EEF2: variants seen among roughly 807,000 people sequenced by gnomAD.
The protein encoded by EEF2 is elongation factor 2.
EEF2 carries 21 observed loss-of-function variants against 85.3 expected under a neutral mutation model. The ratio of observed to expected loss-of-function variants is 0.25; its 90% confidence interval spans 0.17 to 0.35. The LOEUF (loss-of-function observed/expected upper bound fraction) is 0.35, where lower values mean the gene tolerates loss of function less well. Ranked by LOEUF, EEF2 falls within the 10% of genes least tolerant of loss-of-function variation. The pLI is 1.00. For synonymous variants in EEF2, 723 were observed against 508.8 expected, an observed-to-expected ratio of 1.42 and a Z score of -5.67; for missense variants, 825 against 1,225.3, an observed-to-expected ratio of 0.67 and a Z score of 4.88.
At chr19:3,981,024 G>T in intron 7 of EEF2, 45 bp from the exon 8 acceptor site, 1 of 1,545,094 alleles carries the variant, frequency 6.5e-7, no homozygotes. Flanking sequence ...GGGAGCCCAG[G>T]ATGGCCCCAC....
In EEF2 at chr19:3,980,606, C is replaced by A. The variant is rs761179762; in HGVS notation, c.1254G>T (p.Ser418=). 1.2e-6 allele frequency: 2 copies of A among 1,614,192 alleles called. No individual in the cohort carries two copies. The change falls in exon 9 of 15, where the codon TCG becomes TCT. Residue 418 remains serine, a synonymous_variant. Coordinates refer to ENST00000309311, the MANE Select transcript of EEF2 (RefSeq NM_001961.4). ...CCTTCAGGCCAGTGGAGACCAGCCC[C>A]GAGAAGACTCGTCCAAAGGCGTAGA... ...GRFYAFGRVF[S]GLVSTGLKVR... is the part of the protein sequence containing the mutation.
At position 3,984,189 on chromosome 19, in the gene EEF2, G is replaced by A. The variant is rs1448751502; in HGVS notation, c.165C>T (p.Arg55=). The change falls in exon 2 of 15, where the codon CGC becomes CGT. Residue 55 remains arginine, a synonymous_variant. Transcript: ENST00000309311. The stretch of plus-strand genomic sequence containing the variant: ...GCTCGTCCTTCCGGGTATCAGTGAA[G>A]CGTGTCTCCCCGGCCCGGGCCGAGG... ...IIASARAGET[R]FTDTRKDEQE... 6.2e-7 allele frequency: 1 copy of A among 1,613,980 alleles called. No homozygotes were observed. The highest frequency in any genetic ancestry group is 8.5e-7 in the Non-Finnish European group (1 of 1,180,038).
chr19:3,985,432 CGCCGAGGATGGCGGCGA>C lies in EEF2; in HGVS notation c.-69_-53del, dbSNP rs1568203975. On this transcript the variant is annotated 5_prime_UTR_variant, in exon 1 of 15. Transcript: ENST00000309311. The stretch of plus-strand genomic sequence containing the variant: ...AGGTAGAACCGAAAGAAGCGAGTCG[CGCCGAGGATGGCGGCGA>C]CGACGGCGGAAGAGAACGCTGACGT... The C allele has an allele frequency of 6.8e-7, 1 of 1,462,174 alleles. No individual in the cohort carries two copies. The allele number at this position is 1,462,174 out of a possible 1,614,324, so 90.6% of individuals were successfully genotyped here.
intron 9 of EEF2, 69 bp downstream of exon 9, chr19:3,980,445 G>A (rs1190084340): frequency 3.9e-6 from 6 of 1,526,974 alleles, no homozygotes; most frequent in East Asian, 2.3e-5. Context: ...CGACTGAGGA[G>A]CCCAAGACTT....
rs201398591 is a variant in EEF2 at position 3,982,066 on chromosome 19, G to T, written c.792-14C>A. 1.2e-6 allele frequency: 2 copies of T among 1,613,606 alleles called. No individual in the cohort carries two copies. The highest frequency in any genetic ancestry group is 1.1e-5 in the South Asian group (1 of 91,050). Reference sequence around the variant, plus strand: ...GGGTCAAAGTACCTGGCAAGGAGAGGCCAAGCCAAATCAAGTTAGGGTCTC... The same window carrying T: ...GGGTCAAAGTACCTGGCAAGGAGAGTCCAAGCCAAATCAAGTTAGGGTCTC... On this transcript the variant is annotated splice_polypyrimidine_tract_variant and intron_variant, in intron 5 of 14. Coordinates refer to ENST00000309311, the MANE Select transcript of EEF2 (RefSeq NM_001961.4).
At chr19:3,981,274 T>C (rs577693579) in intron 7 of EEF2, 65 bp downstream of exon 7, 95 of 1,500,674 alleles carry the variant, frequency 6.3e-5, no homozygotes, top group South Asian at 1.5e-4. Context: ...AGGCCTGGGC[T>C]GTCAGAGCAT....
chr19:3,976,948 C>T (rs888365956), intron 14 of EEF2, among the ~76,000 whole-genome samples: 1 of 152,232 alleles, frequency 6.6e-6, no homozygotes, highest in Non-Finnish European at 1.5e-5. Context: ...CAACCCTGTG[C>T]TACAGCTCGG....
At chr19:3,983,072 C>T (rs772417054) in intron 3 of EEF2, 38 bp downstream of exon 3, 32 of 1,611,334 alleles carry the variant, frequency 2.0e-5, no homozygotes, top group Admixed American at 5.0e-5. Context: ...GGATGGCCCC[C>T]GGTTCCAGGC....
Position 3,983,232 on chromosome 19 carries a change from T to C in EEF2, c.278A>G (p.Lys93Arg), listed in dbSNP as rs922729998. 15 of 1,613,814 alleles carry C rather than the reference T, an allele frequency of 9.3e-6. No homozygotes were observed. Among genetic ancestry groups the C allele is most frequent in the Admixed American group, 3.3e-5 (2 of 59,960 alleles). The change falls in exon 3 of 15, where the codon AAG becomes AGG. Residue 93 changes from lysine to arginine, a missense_variant. Coordinates refer to ENST00000309311, the MANE Select transcript of EEF2 (RefSeq NM_001961.4). Reference sequence around the variant, plus strand: ...GTTGATGAGGAAGCCGGCACCGTCCTTGCTCTGCTTGATGAAGTTCAAGTC... The same window carrying C: ...GTTGATGAGGAAGCCGGCACCGTCCCTGCTCTGCTTGATGAAGTTCAAGTC... ...ENDLNFIKQS[K>R]DGAGFLINLI...
chr19:3,978,182 G>A lies in EEF2; in HGVS notation c.1714-10C>T. 2 of 1,442,984 alleles carry A rather than the reference G, an allele frequency of 1.4e-6. No homozygotes were observed. The highest frequency in any genetic ancestry group is 1.8e-6 in the Non-Finnish European group (2 of 1,092,618). The allele number at this position is 1,442,984 out of a possible 1,614,324, so 89.4% of individuals were successfully genotyped here. On this transcript the variant is annotated splice_polypyrimidine_tract_variant and intron_variant, in intron 11 of 14. Coordinates refer to ENST00000309311, the MANE Select transcript of EEF2 (RefSeq NM_001961.4). The stretch of plus-strand genomic sequence containing the variant: ...CGACCGGGTCAGATTTCTGCAAAAA[G>A]AGGTTAAGTCCCACTCTTGCCTGGA...
At chr19:3,985,221 C>T (rs759662328) in intron 1 of EEF2, 157 bp downstream of exon 1, 2 of 775,960 alleles carry the variant, frequency 2.6e-6, no homozygotes, top group Non-Finnish European at 1.8e-6. Context: ...GGCGCACAGA[C>T]ATGGCGGCGG....
At chr19:3,981,279 G>A in intron 7 of EEF2, 60 bp downstream of exon 7, 1 of 1,529,486 alleles carries the variant, frequency 6.5e-7, no homozygotes, top group East Asian at 2.2e-5. Context: ...TGGGCTGTCA[G>A]AGCATCCGGA....
rs758840686 is a variant in EEF2, at chr19:3,979,949, G to A, written c.1464C>T (p.Phe488=). ...TCACCCGCATGTTGTGCGCGTGCTCGAAGGTGGTGATGGTGCCCGTCTTCA... is the reference window on the plus strand; with the variant it reads ...TCACCCGCATGTTGTGCGCGTGCTCAAAGGTGGTGATGGTGCCCGTCTTCA... ...FLVKTGTITT[F]EHAHNMRVMK... Residue 488 remains phenylalanine (F), a synonymous_variant, in exon 10 of 15, where the codon TTC becomes TTT. Coordinates refer to ENST00000309311, the MANE Select transcript of EEF2 (RefSeq NM_001961.4). 30 of 1,613,938 alleles carry A rather than the reference G, an allele frequency of 1.9e-5. 1 individual carries two copies. The highest frequency in any genetic ancestry group is 1.4e-4 in the South Asian group (13 of 91,080).
intron 8 of EEF2, 26 bp downstream of exon 8, chr19:3,980,815 A>G (rs1233998740): frequency 6.3e-7 from 1 of 1,580,512 alleles, no homozygotes. Flanking sequence ...GCTGCATCTC[A>G]GGGCCCGGCC....
chr19:3,983,343 G>T, intron 2 of EEF2, 52 bp from the exon 3 acceptor site: 1 of 1,569,750 alleles, frequency 6.4e-7, no homozygotes, highest in Non-Finnish European at 8.7e-7. Context: ...ACCTGGCCCA[G>T]GGAGTCTGGG....
chr19:3,977,074 T>C lies in EEF2; in HGVS notation c.2383+141A>G, dbSNP rs2039687741. The C allele has an allele frequency of 7.9e-7, 1 of 1,264,150 alleles. No individual in the cohort carries two copies. The highest frequency in any genetic ancestry group is 1.1e-6 in the Non-Finnish European group (1 of 930,638). The allele number at this position is 1,264,150 out of a possible 1,614,324, so 78.3% of individuals were successfully genotyped here. A position where few individuals can be genotyped will look rare whatever the true frequency, so the allele number is the denominator to read the frequency against. On this transcript the variant is annotated intron_variant, in intron 14 of 14. Transcript: ENST00000309311. This position sits in a 1 kb window ranked among gnomAD's most constrained non-coding sequence, Gnocchi z 5.4. ...TCAGTGATTTAGGGGGTCCACAAGC[T>C]GTCAGAAACTGGACCACCTGCTCCA... is the stretch of plus-strand genomic sequence containing the variant.
In EEF2 at chr19:3,984,301, T is replaced by G; in HGVS notation, c.53A>C (p.Asn18Thr). The change falls in exon 2 of 15, where the codon AAC becomes ACC. Residue 18 changes from asparagine to threonine, a missense_variant. Asn to Thr is a moderately conservative substitution (Grantham distance 65). Coordinates refer to ENST00000309311, the MANE Select transcript of EEF2 (RefSeq NM_001961.4). ...GGCGATGACAGACATGTTGCGGATG[T>G]TGGCCTTCTTGTCCATGATGGCGCG... ...QIRAIMDKKA[N>T]IRNMSVIAHV... 1 of 1,614,218 alleles carries G rather than the reference T, an allele frequency of 6.2e-7. No individual in the cohort carries two copies. The highest frequency in any genetic ancestry group is 8.5e-7 in the Non-Finnish European group (1 of 1,180,032).
chr19:3,982,131 G>A, intron 5 of EEF2, 79 bp from the exon 6 acceptor site: 1 of 1,596,480 alleles, frequency 6.3e-7, no homozygotes. Flanking sequence ...AAGGGGACAT[G>A]CTTGGGCAAG....
intron 1 of EEF2, 49 bp from the exon 2 acceptor site, chr19:3,984,399 A>C (rs1272028285): frequency 6.3e-6 from 10 of 1,589,576 alleles, no homozygotes; most frequent in Non-Finnish European, 8.6e-6. Flanking sequence ...CCAGGAACAC[A>C]GCATGGCACG....
Sources: gnomAD v4.1 joint callset for allele counts (sites outside exome capture counted in the v4.1 genomes callset) on GRCh38, gnomAD v4.1.1 for gene constraint, Gnocchi (gnomAD v3.1) non-coding constraint, MANE v1.5 for transcripts, NCBI Gene and HGNC (gene_info 2026-07-23, HGNC 2026-07-21) for gene names.